Variants in L3MBTL4 observed in about 807,000 individuals in gnomAD.
The protein encoded by L3MBTL4 is L3MBTL histone methyl-lysine binding protein 4, also known as lethal(3)malignant brain tumor-like protein 4.
In L3MBTL4, 70 loss-of-function variants were observed where a neutral mutation model predicts 84.5. That is an observed-to-expected ratio of 0.83 (90% CI 0.68 to 1.01). L3MBTL4 has a LOEUF of 1.01. Among genes scored for constraint, L3MBTL4 ranks in the 50% least tolerant of loss-of-function variants. The probability of loss-of-function intolerance (pLI) is 0.00; values close to 1 mark genes in which losing one functional copy is unlikely to be tolerated. For missense variants in L3MBTL4, 715 were observed against 754.8 expected, an observed-to-expected ratio of 0.95 and a Z score of 0.62; for synonymous variants, 274 against 259.8, an observed-to-expected ratio of 1.05 and a Z score of -0.52.
intron 12 of L3MBTL4, among the ~76,000 whole-genome samples, chr18:6,198,586 A>C (rs2045511695): frequency 2.0e-5 from 3 of 152,194 alleles, no homozygotes; most frequent in Non-Finnish European, 1.5e-5. Context: ...CTCCATTCCA[A>C]GCCACCTGCT....
chr18:6,070,836 T>TA (rs1160059947), intron 16 of L3MBTL4, among the ~76,000 whole-genome samples: 4 of 151,864 alleles, frequency 2.6e-5, no homozygotes, highest in Admixed American at 6.6e-5. Context: ...AAACCCTGTC[T>TA]AAAAAAATAA....
chr18:6,276,209 T>G (rs2049071083), intron 4 of L3MBTL4, among the ~76,000 whole-genome samples: 1 of 152,220 alleles, frequency 6.6e-6, no homozygotes, highest in Admixed American at 6.5e-5. Context: ...TTACATATAT[T>G]GACTGATGTC....
intron 12 of L3MBTL4, among the ~76,000 whole-genome samples, chr18:6,182,315 T>C (rs966838749): frequency 6.6e-6 from 1 of 152,232 alleles, no homozygotes; most frequent in South Asian, 2.1e-4. Context: ...AAGTGTCTGT[T>C]CATATACTTT....
chr18:6,279,625 C>T (rs967007046), intron 4 of L3MBTL4, among the ~76,000 whole-genome samples: 3 of 152,102 alleles, frequency 2.0e-5, no homozygotes, highest in Non-Finnish European at 2.9e-5. Context: ...TGATTTCTCC[C>T]TTGCCATGTA....
intron 10 of L3MBTL4, among the ~76,000 whole-genome samples, chr18:6,220,828 G>C (rs1367955376): frequency 1.3e-5 from 2 of 152,076 alleles, no homozygotes; most frequent in Non-Finnish European, 2.9e-5. Flanking sequence ...TACCAGTCTA[G>C]CCCCAAAATT....
intron 12 of L3MBTL4, among the ~76,000 whole-genome samples, chr18:6,188,740 C>A (rs1012563842): frequency 1.3e-5 from 2 of 152,166 alleles, no homozygotes; most frequent in Non-Finnish European, 2.9e-5. Flanking sequence ...AACCCCAGAC[C>A]CTGAGCTGGC....
chr18:6,324,498 C>T (rs1170682296), intron 1 of L3MBTL4, among the ~76,000 whole-genome samples: 1 of 152,222 alleles, frequency 6.6e-6, no homozygotes, highest in Non-Finnish European at 1.5e-5. Context: ...CTTGTTGGAC[C>T]AAAGGCACTC....
intron 17 of L3MBTL4, among the ~76,000 whole-genome samples, chr18:5,967,797 C>T (rs1216267713): frequency 6.6e-6 from 1 of 152,218 alleles, no homozygotes; most frequent in Non-Finnish European, 1.5e-5. Flanking sequence ...AGTGTAAGAA[C>T]AGGCCGGGGC....
At chr18:6,259,274 T>C (rs934368604) in intron 5 of L3MBTL4, 1 of 152,288 alleles carries the variant, frequency 6.6e-6, no homozygotes, top group Non-Finnish European at 1.5e-5. Context: ...GATGACACCA[T>C]TGATGGGCAC....
chr18:6,149,141 G>C (rs566642332), intron 13 of L3MBTL4, among the ~76,000 whole-genome samples: 1 of 151,456 alleles, frequency 6.6e-6, no homozygotes, highest in Admixed American at 6.6e-5. Flanking sequence ...TTGGTGTGCC[G>C]CACCTATCAA....
At chr18:6,374,986 A>G (rs1393099253) in intron 1 of L3MBTL4, among the ~76,000 whole-genome samples, 1 of 152,204 alleles carries the variant, frequency 6.6e-6, no homozygotes, top group African/African-American at 2.4e-5. Context: ...GAAATTCCCA[A>G]TAGTATGAAA....
rs970636540 is a variant in L3MBTL4 at position 6,318,154 on chromosome 18, T to C, written c.-90-6098A>G. Among the ~76,000 whole-genome samples the C allele has an allele frequency of 9.9e-5, 15 of 152,014 alleles. 1 individual carries two copies. The highest frequency in any genetic ancestry group is 4.4e-5 in the Non-Finnish European group (3 of 67,954). On this transcript the variant is annotated intron_variant, in intron 1 of 18. Transcript: ENST00000317931. ...CAGTATGCACTAGAATAGAATCTCT[T>C]GAAAGCATAAAACTCACAGGGCCTA... is the stretch of plus-strand genomic sequence containing the variant.
chr18:6,327,843 G>T (rs529682080), intron 1 of L3MBTL4, among the ~76,000 whole-genome samples: 1 of 152,154 alleles, frequency 6.6e-6, no homozygotes, highest in Non-Finnish European at 1.5e-5. Context: ...GTTATAGGAG[G>T]AATTTTATAC....
Position 6,053,997 on chromosome 18 carries a change from C to A in L3MBTL4, c.1444+26884G>T, listed in dbSNP as rs547177866. ...TTTGCCTGTTTTTGCCAGGTGCTAG[C>A]AAACACAACACCTCTCTTCTGATGT... On this transcript the variant is annotated intron_variant, in intron 16 of 18. Transcript: ENST00000317931. Among the ~76,000 whole-genome samples the A allele has an allele frequency of 2.0e-5, 3 of 152,182 alleles. No individual in the cohort carries two copies. The East Asian group carries it at 5.8e-4, about 29-fold the overall frequency.
chr18:6,142,012 C>T (rs1272651133), intron 13 of L3MBTL4, among the ~76,000 whole-genome samples: 1 of 152,234 alleles, frequency 6.6e-6, no homozygotes, highest in African/African-American at 2.4e-5. Context: ...AGGGCATTTG[C>T]ATGCTGGCAA....
chr18:6,093,336 T>G lies in L3MBTL4; in HGVS notation c.1373+19A>C. ...TACATGGTTTACTTTCTGGCTCACA[T>G]TTTTAAGAAGTTTCTTACCTGGGCT... On this transcript the variant is annotated intron_variant, in intron 15 of 18. Coordinates refer to ENST00000317931, the MANE Select transcript of L3MBTL4 (RefSeq NM_001330559.2). The G allele has an allele frequency of 6.3e-7, 1 of 1,580,238 alleles. No individual in the cohort carries two copies. Among genetic ancestry groups the G allele is most frequent in the Non-Finnish European group, 8.6e-7 (1 of 1,168,066 alleles).
chr18:6,177,537 G>A (rs2044278102), intron 12 of L3MBTL4, among the ~76,000 whole-genome samples: 1 of 152,182 alleles, frequency 6.6e-6, no homozygotes, highest in Non-Finnish European at 1.5e-5. Context: ...TGGCTATGCA[G>A]GATATATTAT....
intron 4 of L3MBTL4, among the ~76,000 whole-genome samples, chr18:6,300,325 CA>C (rs1175750444): frequency 6.6e-6 from 1 of 152,138 alleles, no homozygotes; most frequent in African/African-American, 2.4e-5. Flanking sequence ...TTTTCCTAAA[CA>C]TTTGTTATGT....
intron 12 of L3MBTL4, among the ~76,000 whole-genome samples, chr18:6,211,232 G>A (rs1422056312): frequency 1.3e-5 from 2 of 152,188 alleles, no homozygotes; most frequent in African/African-American, 4.8e-5. Flanking sequence ...AATAAGAGAA[G>A]AGTGCCTGTT....
Sources: gnomAD v4.1 joint callset for allele counts (sites outside exome capture counted in the v4.1 genomes callset) on GRCh38, gnomAD v4.1.1 for gene constraint, MANE v1.5 for transcripts, NCBI Gene and HGNC (gene_info 2026-07-23, HGNC 2026-07-21) for gene names.